The following BRF1 variants were observed in gnomAD, a reference collection of about 807,000 sequenced individuals.
BRF1 encodes the protein transcription factor IIIB 90 kDa subunit.
In BRF1, 59 loss-of-function variants were observed where a neutral mutation model predicts 81.7. That is an observed-to-expected ratio of 0.72 (90% CI 0.59 to 0.90). The LOEUF (loss-of-function observed/expected upper bound fraction) is 0.90. Among genes scored for constraint, BRF1 ranks in the 40% least tolerant of loss-of-function variants. The pLI is 0.00. For synonymous variants in BRF1, 491 were observed against 395.6 expected (o/e 1.24, Z -2.86); for missense variants, 1,050 against 936.3 (o/e 1.12, Z -1.58).
intron 7 of BRF1, 25 bp from the exon 8 acceptor site, chr14:105,226,785 A>G: frequency 6.2e-7 from 1 of 1,613,006 alleles, no homozygotes. Context: ...GACATGGGAA[A>G]TGGAGCTGGT....
At position 105,215,357 on chromosome 14, in the gene BRF1, CAG is replaced by C. The variant is rs994229819; in HGVS notation, c.1772+2185_1772+2186del. ...GTTGCATGCACACACACTGCATGCA[CAG>C]AGAGACACATAGGCGTGCACACCTG... On this transcript the variant is annotated intron_variant, in intron 15 of 17. Coordinates refer to ENST00000547530, the MANE Select transcript of BRF1 (RefSeq NM_001519.4). 3.9e-5 allele frequency among the ~76,000 whole-genome samples: 6 copies of C among 152,030 alleles called. No homozygotes were observed. In the East Asian group the frequency reaches 7.7e-4, roughly 20 times the overall value.
chr14:105,247,819 C>A (rs2140265385), intron 5 of BRF1: 1 of 985,642 alleles, frequency 1.0e-6, no homozygotes, highest in East Asian at 1.1e-4. Context: ...AGCTGTGCGG[C>A]CCAGGCCAGG....
At position 105,210,652 on chromosome 14, in the gene BRF1, A is replaced by G; in HGVS notation, c.1997-64T>C. The G allele has an allele frequency of 1.3e-6, 2 of 1,553,504 alleles. No individual in the cohort carries two copies. The highest frequency in any genetic ancestry group is 1.7e-4 in the Middle Eastern group (1 of 5,960). On this transcript the variant is annotated intron_variant, in intron 17 of 17. Coordinates refer to ENST00000547530, the MANE Select transcript of BRF1 (RefSeq NM_001519.4). This position sits in a 1 kb window ranked among gnomAD's most constrained non-coding sequence, Gnocchi z 4.7. ...GGGACCCAGGAGCCCAGACCCCCCA[A>G]CCCGCCCTGTTCCTGGTGCCCCCCT...
intron 3 of BRF1, among the ~76,000 whole-genome samples, chr14:105,263,385 A>G (rs1422562256): frequency 6.6e-6 from 1 of 152,208 alleles, no homozygotes; most frequent in East Asian, 1.9e-4. Context: ...ACAAGCGAGC[A>G]GGGCACAGTG....
intron 6 of BRF1, among the ~76,000 whole-genome samples, chr14:105,229,504 T>C (rs986995270): frequency 6.6e-6 from 1 of 152,154 alleles, no homozygotes; most frequent in African/African-American, 2.4e-5. Context: ...GACCTGGGGC[T>C]CCAATTCCGG....
intron 1 of BRF1, among the ~76,000 whole-genome samples, chr14:105,308,109 G>C (rs987694169): frequency 2.0e-5 from 3 of 152,146 alleles, no homozygotes; most frequent in African/African-American, 7.2e-5. Context: ...CTTGAACCCA[G>C]GTGACTGAGG....
rs2054212981 is a variant in BRF1 at position 105,228,708 on chromosome 14, C to G, written c.788+112G>C. 19 of 1,250,576 alleles carry G rather than the reference C, an allele frequency of 1.5e-5. No homozygotes were observed. The South Asian group carries it at 2.3e-4, about 15-fold the overall frequency. 77.5% of individuals were successfully genotyped at this position (1,250,576 alleles called of 1,614,324 possible). On this transcript the variant is annotated intron_variant, in intron 7 of 17. Transcript: ENST00000547530. ...GCTGGGCTAGGTCCTGGCCAGCAGC[C>G]AGGCGGGGGACGGCAGGGTCCCGGG...
At chr14:105,212,337 C>T (rs587645432) in intron 15 of BRF1, 173 bp from the exon 16 acceptor site, 19 of 762,742 alleles carry the variant, frequency 2.5e-5, no homozygotes, top group Non-Finnish European at 4.0e-5. Context: ...CACTGCACAT[C>T]AACACAGAGC....
chr14:105,219,334 G>A (rs1024710492), intron 12 of BRF1, 102 bp from the exon 13 acceptor site: 6 of 1,557,110 alleles, frequency 3.9e-6, no homozygotes, highest in Non-Finnish European at 2.6e-6. Flanking sequence ...GTTAGAGGAA[G>A]GGGAACCCGG....
intron 11 of BRF1, among the ~76,000 whole-genome samples, chr14:105,221,378 G>T (rs1328937689): frequency 1.3e-5 from 2 of 152,226 alleles, no homozygotes; most frequent in African/African-American, 4.8e-5. Flanking sequence ...TCCATTCTCC[G>T]TGGCCCCTGT....
chr14:105,304,182 C>A (rs894549012), upstream of BRF1, among the ~76,000 whole-genome samples: 1 of 152,120 alleles, frequency 6.6e-6, no homozygotes, highest in African/African-American at 2.4e-5. Context: ...ACACCCACAA[C>A]GGTAAGAGGT....
In BRF1 at chr14:105,221,721, G is replaced by C; in HGVS notation, c.1242C>G (p.Pro414=). The change falls in exon 11 of 18, where the codon CCC becomes CCG. Residue 414 remains proline, a synonymous_variant. Transcript: ENST00000547530. The part of the protein sequence containing the change: ...RPPALGSLLD[P]LPTAASLGIS... Reference sequence around the variant, plus strand: ...TGCCCAGGCTGGCTGCAGTGGGGAGGGGGTCCAGCAGGGACCCCAGGGCCG... The same window carrying C: ...TGCCCAGGCTGGCTGCAGTGGGGAGCGGGTCCAGCAGGGACCCCAGGGCCG... The C allele has an allele frequency of 6.2e-7, 1 of 1,611,210 alleles. No homozygotes were observed. The highest frequency in any genetic ancestry group is 1.7e-5 in the Admixed American group (1 of 59,782).
chr14:105,296,080 CAA>C (rs58030113), intron 1 of BRF1, among the ~76,000 whole-genome samples: 143 of 56,886 alleles, frequency 2.5e-3, no homozygotes, highest in African/African-American at 6.5e-3. Context: ...CACTCTATCT[CAA>C]AAAAAAAAAA....
At position 105,273,034 on chromosome 14, in the gene BRF1, T is replaced by A. The variant is rs370574878; in HGVS notation, c.266-140A>T. 142 of 948,926 alleles carry A rather than the reference T, an allele frequency of 1.5e-4. 2 individuals carry two copies. In the South Asian group the frequency reaches 2.3e-3, roughly 15 times the overall value. 58.8% of individuals were successfully genotyped at this position (948,926 alleles called of 1,614,324 possible). A position where few individuals can be genotyped will look rare whatever the true frequency, so the allele number is the denominator to read the frequency against. ...TCTGAGCTCACTTTTTATATGTGGG[T>A]TCCAATCACTTTTTATTTAAGGACA... On this transcript the variant is annotated intron_variant, in intron 2 of 17. Transcript: ENST00000547530.
At chr14:105,211,845 G>A (rs936027713) in intron 16 of BRF1, 3 of 540,008 alleles carry the variant, frequency 5.6e-6, no homozygotes, top group African/African-American at 1.9e-5. Flanking sequence ...CAGGCACCAG[G>A]CCCACAGCAA....
chr14:105,214,147 C>A (rs1890633250), intron 15 of BRF1, among the ~76,000 whole-genome samples: 1 of 152,176 alleles, frequency 6.6e-6, no homozygotes, highest in African/African-American at 2.4e-5. Context: ...CGGCCCCAGC[C>A]CAGCCTGGGG....
Position 105,300,454 on chromosome 14 carries a change from G to A in BRF1, c.176C>T (p.Ser59Phe), listed in dbSNP as rs1291885644. 4 of 1,529,130 alleles carry A rather than the reference G, an allele frequency of 2.6e-6. No individual in the cohort carries two copies. Among genetic ancestry groups the A allele is most frequent in the East Asian group, 5.0e-5 (2 of 39,766 alleles). The allele number at this position is 1,529,130 out of a possible 1,614,324, so 94.7% of individuals were successfully genotyped here. ...CAGCCCGCGGGACTCACCGTCCAGG[G>A]ACACGAACTGGCCCACGGCCGAGGA... is the stretch of plus-strand genomic sequence containing the variant. Reference protein sequence around the residue: ...GGSSAVGQFVSLDGAGKTPTL... With the variant: ...GGSSAVGQFVFLDGAGKTPTL... Residue 59 changes from serine to phenylalanine, a missense_variant, in exon 1 of 18, where the codon TCC becomes TTC. This residue lies in a region of BRF1 where 1,043 missense variants were observed against 915.4 expected (regional missense o/e 1.14). Transcript: ENST00000547530.
chr14:105,229,063 T>G (rs1175513309), intron 6 of BRF1, 150 bp from the exon 7 acceptor site: 2 of 720,498 alleles, frequency 2.8e-6, no homozygotes, highest in Non-Finnish European at 4.9e-6. Flanking sequence ...TCACTTGGCA[T>G]GGCTACTCCT....
rs1452939239 is a variant in BRF1, at chr14:105,226,265, AGTT to A, written c.938_940del (p.Lys313_Leu314delinsMet). The A allele has an allele frequency of 1.2e-6, 2 of 1,613,952 alleles. No individual in the cohort carries two copies. Among genetic ancestry groups the A allele is most frequent in the African/African-American group, 2.7e-5 (2 of 74,936 alleles). Reference sequence around the variant, plus strand: ...TGGTTGGTTACCTTCAACCTCCTCCAGTTTTTTTGACAGGACTTGTTCAAGCTG... The same window carrying A: ...TGGTTGGTTACCTTCAACCTCCTCCATTTTTGACAGGACTTGTTCAAGCTG... On this transcript the variant is annotated inframe_deletion, in exon 9 of 18. Coordinates refer to ENST00000547530, the MANE Select transcript of BRF1 (RefSeq NM_001519.4).
Sources: allele counts gnomAD v4.1 joint callset (sites outside exome capture counted in the v4.1 genomes callset), GRCh38; gene constraint gnomAD v4.1.1; regional missense constraint gnomAD v4.1.1; non-coding constraint Gnocchi (gnomAD v3.1); transcripts MANE v1.5; gene names NCBI Gene and HGNC (gene_info 2026-07-23, HGNC 2026-07-21).